Variants in CADPS2 observed in about 807,000 individuals in gnomAD.
CADPS2 encodes calcium-dependent secretion activator 2.
In CADPS2, 93 loss-of-function variants were observed where a neutral mutation model predicts 172.5. The ratio of observed to expected loss-of-function variants is 0.54; its 90% CI spans 0.46 to 0.64. CADPS2 has a LOEUF of 0.64. Among genes scored for constraint, CADPS2 ranks in the 30% least tolerant of loss-of-function variants. The pLI, the probability that CADPS2 is intolerant of heterozygous loss-of-function variation, is 0.00. For synonymous variants in CADPS2, 546 were observed against 555.2 expected (o/e 0.98, Z 0.23); for missense variants, 1,420 against 1,565.9 (o/e 0.91, Z 1.57).
intron 1 of CADPS2, among the ~76,000 whole-genome samples, chr7:122,740,690 T>A (rs751693229): frequency 1.3e-4 from 19 of 151,958 alleles, no homozygotes; most frequent in Non-Finnish European, 2.4e-4. Context: ...GCATTAAAAA[T>A]AAATTTTACA....
chr7:122,481,021 TTA>T (rs1421895011), intron 11 of CADPS2, among the ~76,000 whole-genome samples, 161 bp from the exon 12 acceptor site: 2 of 152,078 alleles, frequency 1.3e-5, no homozygotes, highest in Non-Finnish European at 2.9e-5. Context: ...CAAAAATTGA[TTA>T]TGTAAGTCAA....
At chr7:122,583,753 A>G (rs2069191944) in intron 6 of CADPS2, among the ~76,000 whole-genome samples, 1 of 151,428 alleles carries the variant, frequency 6.6e-6, no homozygotes, top group African/African-American at 2.4e-5. Flanking sequence ...TAACACACAT[A>G]CATCATGTAC....
intron 6 of CADPS2, chr7:122,585,769 C>T (rs1483083473): frequency 6.6e-6 from 1 of 151,938 alleles, no homozygotes; most frequent in Non-Finnish European, 1.5e-5. Context: ...TTTACGAGAA[C>T]AGCAGGACTT....
Position 122,735,648 on chromosome 7 carries a change from C to T in CADPS2, c.453+1307G>A, listed in dbSNP as rs184146654. Reference sequence around the variant, plus strand: ...TGATAGTACAAAGAACTCCCTCATCCCCCTGCTGATCCAATTTCAGTTTCC... The same window carrying T: ...TGATAGTACAAAGAACTCCCTCATCTCCCTGCTGATCCAATTTCAGTTTCC... On this transcript the variant is annotated intron_variant, in intron 2 of 29. Transcript: ENST00000449022. Among the ~76,000 whole-genome samples, 435 of 152,216 alleles carry T rather than the reference C, an allele frequency of 2.9e-3. 5 individuals are homozygous for T. Among genetic ancestry groups the T allele is most frequent in the African/African-American group, 0.01 (427 of 41,538 alleles).
intron 27 of CADPS2, among the ~76,000 whole-genome samples, chr7:122,354,570 CT>C (rs968215893): frequency 6.6e-5 from 10 of 151,454 alleles, no homozygotes; most frequent in East Asian, 1.9e-4. Context: ...GTGAGCAAAA[CT>C]TTTTTTTTGG....
chr7:122,390,858 G>A (rs2044276623), intron 22 of CADPS2, among the ~76,000 whole-genome samples: 1 of 151,922 alleles, frequency 6.6e-6, no homozygotes, highest in Non-Finnish European at 1.5e-5. Flanking sequence ...GAATTCGAAT[G>A]TGAGTAGTAG....
chr7:122,668,514 C>T (rs1045999438), intron 2 of CADPS2, among the ~76,000 whole-genome samples: 1 of 151,832 alleles, frequency 6.6e-6, no homozygotes, highest in African/African-American at 2.4e-5. Context: ...TTGGTGGTGT[C>T]AGAGTAGACT....
chr7:122,768,757 C>T (rs1424351531), intron 1 of CADPS2, among the ~76,000 whole-genome samples: 1 of 152,112 alleles, frequency 6.6e-6, no homozygotes, highest in Non-Finnish European at 1.5e-5. Context: ...CAAATATTTT[C>T]TCTTTTATGT....
intron 9 of CADPS2, among the ~76,000 whole-genome samples, chr7:122,501,288 T>C (rs974735550): frequency 1.3e-5 from 2 of 152,022 alleles, no homozygotes; most frequent in Non-Finnish European, 2.9e-5. Flanking sequence ...TTACATATGA[T>C]AGAATTATAG....
rs564890832 is a variant in CADPS2 at position 122,870,084 on chromosome 7, G to A, written c.339+15915C>T. On this transcript the variant is annotated intron_variant, in intron 1 of 29. Coordinates refer to ENST00000449022, the MANE Select transcript of CADPS2 (RefSeq NM_017954.11). The stretch of plus-strand genomic sequence containing the variant: ...AGAAAATAATTAACAAAATTTAATA[G>A]TAAATCCTTACCTATCAATAATGAC... Among the ~76,000 whole-genome samples, 53 of 152,048 alleles carry A rather than the reference G, an allele frequency of 3.5e-4. No individual in the cohort carries two copies. The South Asian group carries it at 7.9e-3, about 23-fold the overall frequency.
chr7:122,756,723 AC>A (rs1457640749), intron 1 of CADPS2, among the ~76,000 whole-genome samples: 4 of 152,100 alleles, frequency 2.6e-5, no homozygotes, highest in African/African-American at 9.7e-5. Flanking sequence ...ATATGGTGAA[AC>A]CCCGTCTCTA....
chr7:122,571,129 T>C (rs1484642426), intron 7 of CADPS2, among the ~76,000 whole-genome samples: 1 of 152,068 alleles, frequency 6.6e-6, no homozygotes. Flanking sequence ...GTATAAATAA[T>C]ATGACCTTTC....
intron 17 of CADPS2, among the ~76,000 whole-genome samples, chr7:122,425,368 G>T (rs968456360): frequency 6.9e-6 from 1 of 145,748 alleles, no homozygotes; most frequent in African/African-American, 2.6e-5. Flanking sequence ...TGGGTGGATT[G>T]CTTGGGTTCA....
At chr7:122,520,622 TATAG>T (rs906873917) in intron 8 of CADPS2, among the ~76,000 whole-genome samples, 1 of 152,072 alleles carries the variant, frequency 6.6e-6, no homozygotes, top group African/African-American at 2.4e-5. Flanking sequence ...CCAGATTTTA[TATAG>T]AAAAGAGTAA....
At chr7:122,626,095 G>A (rs894978502) in intron 4 of CADPS2, among the ~76,000 whole-genome samples, 1 of 152,170 alleles carries the variant, frequency 6.6e-6, no homozygotes, top group Non-Finnish European at 1.5e-5. Context: ...GATAAAGTCA[G>A]AGGGGTAAAA....
chr7:122,573,498 G>A (rs1181112308), intron 7 of CADPS2, among the ~76,000 whole-genome samples: 4 of 151,946 alleles, frequency 2.6e-5, no homozygotes, highest in Admixed American at 1.3e-4. Flanking sequence ...CATGCTCTCC[G>A]GCCTGGGCAA....
chr7:122,352,361 T>C (rs555708146), intron 27 of CADPS2, among the ~76,000 whole-genome samples: 6 of 152,082 alleles, frequency 3.9e-5, no homozygotes, highest in African/African-American at 1.5e-4. Flanking sequence ...CATTTTTAGC[T>C]TTTAAAGTTT....
At chr7:122,504,812 A>G (rs1371339614) in intron 9 of CADPS2, among the ~76,000 whole-genome samples, 2 of 152,126 alleles carry the variant, frequency 1.3e-5, no homozygotes, top group African/African-American at 4.8e-5. Context: ...GCCTCAAGCA[A>G]TCTCAGTTTC....
Position 122,387,187 on chromosome 7 carries a change from C to T in CADPS2, c.3165-14G>A. On this transcript the variant is annotated splice_polypyrimidine_tract_variant and intron_variant, in intron 23 of 29. Transcript: ENST00000449022. Reference sequence around the variant, plus strand: ...GCAGTTCTTGTTCTAGTTTTTAAAACATGAATTCAGAGTAAGAAATTCTGC... The same window carrying T: ...GCAGTTCTTGTTCTAGTTTTTAAAATATGAATTCAGAGTAAGAAATTCTGC... 1 of 1,567,210 alleles carries T rather than the reference C, an allele frequency of 6.4e-7. No homozygotes were observed. The highest frequency in any genetic ancestry group is 2.3e-5 in the East Asian group (1 of 42,970).
Sources: allele counts gnomAD v4.1 joint callset (sites outside exome capture counted in the v4.1 genomes callset), GRCh38; gene constraint gnomAD v4.1.1; transcripts MANE v1.5; gene names NCBI Gene and HGNC (gene_info 2026-07-23, HGNC 2026-07-21).